TXNDC16: variants seen among roughly 807,000 people sequenced by gnomAD.
TXNDC16 encodes thioredoxin domain containing 16, also known as thioredoxin domain-containing protein 16.
A neutral mutation model predicts 85.6 loss-of-function variants in TXNDC16; 74 were observed. That is an observed-to-expected ratio of 0.86 (90% CI 0.72 to 1.05). The LOEUF (loss-of-function observed/expected upper bound fraction) is 1.05. TXNDC16 is among the 50% of genes least tolerant of loss of function. The pLI is 0.00. For missense variants in TXNDC16, 959 were observed against 947.0 expected, an observed-to-expected ratio of 1.01 and a Z score of -0.17; for synonymous variants, 335 against 326.5, an observed-to-expected ratio of 1.03 and a Z score of -0.28.
intron 18 of TXNDC16, among the ~76,000 whole-genome samples, chr14:52,441,295 T>G (rs1594679980): frequency 6.6e-6 from 1 of 152,168 alleles, no homozygotes; most frequent in South Asian, 2.1e-4. Flanking sequence ...TCTAATCCTT[T>G]TATCATTTTT....
At chr14:52,433,564 G>T (rs958813631) in intron 20 of TXNDC16, among the ~76,000 whole-genome samples, 1 of 152,086 alleles carries the variant, frequency 6.6e-6, no homozygotes, top group Admixed American at 6.5e-5. Flanking sequence ...TAAGAGCTTA[G>T]AAAAAACATA....
At chr14:52,456,613 A>C (rs2035539437) in intron 17 of TXNDC16, among the ~76,000 whole-genome samples, 1 of 152,212 alleles carries the variant, frequency 6.6e-6, no homozygotes, top group Non-Finnish European at 1.5e-5. Flanking sequence ...TTTGCAGTTC[A>C]GTCCTTCATT....
chr14:52,497,618 G>A (rs1196626251), intron 9 of TXNDC16, among the ~76,000 whole-genome samples: 4 of 152,180 alleles, frequency 2.6e-5, no homozygotes, highest in Admixed American at 2.6e-4. Flanking sequence ...AGTGGCTCAA[G>A]CCTATAATCC....
rs2035143811 is a variant in TXNDC16, at chr14:52,440,657, C to G, written c.1910G>C (p.Ser637Thr). 1 of 1,610,560 alleles carries G rather than the reference C, an allele frequency of 6.2e-7. No homozygotes were observed. Among genetic ancestry groups the G allele is most frequent in the African/African-American group, 1.3e-5 (1 of 74,722 alleles). Residue 637 changes from serine to threonine, a missense_variant, in exon 19 of 21, where the codon AGT becomes ACT. By Grantham distance (58) the Ser-to-Thr change is moderately conservative (BLOSUM62 1). Coordinates refer to ENST00000281741, the MANE Select transcript of TXNDC16 (RefSeq NM_020784.3). ...RLQKPLLILF[S>T]DGTVNPQYKK... ...ATACTGAGGATTTACAGTGCCATCA[C>G]TGAACAAAATCAATAATGGTTTCTG...
chr14:52,445,346 G>T lies in TXNDC16; in HGVS notation c.1843-4622C>A, dbSNP rs139882824. Among the ~76,000 whole-genome samples, 41 of 152,180 alleles carry T rather than the reference G, an allele frequency of 2.7e-4. 1 individual carries two copies. The East Asian group carries it at 7.7e-3, about 29-fold the overall frequency. On this transcript the variant is annotated intron_variant, in intron 18 of 20. Transcript: ENST00000281741. Reference sequence around the variant, plus strand: ...ATAATTTTAACAGGAGGAAAGGACAGAACCAAGACACAAAAAGACTTAATA... The same window carrying T: ...ATAATTTTAACAGGAGGAAAGGACATAACCAAGACACAAAAAGACTTAATA...
intron 6 of TXNDC16, among the ~76,000 whole-genome samples, chr14:52,530,592 T>TAAATAATAATATATAATTATTATATATA (rs1260658319): frequency 2.7e-5 from 1 of 37,276 alleles, no homozygotes; most frequent in Non-Finnish European, 4.5e-5. Context: ...TTATATATAA[T>TAAATAATAATATATAATTATTATATATA]ATATATAATA....
chr14:52,486,539 G>T (rs2036276550), intron 12 of TXNDC16, among the ~76,000 whole-genome samples: 1 of 151,982 alleles, frequency 6.6e-6, no homozygotes, highest in Non-Finnish European at 1.5e-5. Flanking sequence ...CCCTTCTGTG[G>T]AATCTAGTCT....
intron 9 of TXNDC16, among the ~76,000 whole-genome samples, chr14:52,499,118 C>T (rs948626582): frequency 6.6e-6 from 1 of 152,060 alleles, no homozygotes; most frequent in Admixed American, 6.6e-5. Context: ...TGGATATCCA[C>T]ATGCAAAAGA....
chr14:52,511,422 G>A (rs756650737), intron 8 of TXNDC16, 32 bp from the exon 9 acceptor site: 9 of 1,445,170 alleles, frequency 6.2e-6, no homozygotes, highest in Non-Finnish European at 7.6e-6. Context: ...ACTTAATGAA[G>A]TTCAATATGT....
chr14:52,445,524 T>C (rs892162850), intron 18 of TXNDC16, among the ~76,000 whole-genome samples: 7 of 152,208 alleles, frequency 4.6e-5, no homozygotes, highest in African/African-American at 1.7e-4. Context: ...TCTAGCTATG[T>C]TTAATATGAA....
intron 18 of TXNDC16, among the ~76,000 whole-genome samples, chr14:52,450,856 TA>T (rs1566533852): frequency 0.11 from 118 of 1,028 alleles, no homozygotes; most frequent in Admixed American, 0.17. Context: ...ATGTGTTTTA[TA>T]TATATATATA....
At chr14:52,510,046 A>C (rs533357066) in intron 9 of TXNDC16, among the ~76,000 whole-genome samples, 2 of 152,096 alleles carry the variant, frequency 1.3e-5, no homozygotes, top group Non-Finnish European at 2.9e-5. Flanking sequence ...GCAAGCTCTG[A>C]ATCTATTTAA....
chr14:52,486,672 T>C (rs938369787), intron 12 of TXNDC16, among the ~76,000 whole-genome samples: 2 of 152,060 alleles, frequency 1.3e-5, no homozygotes, highest in Non-Finnish European at 1.5e-5. Flanking sequence ...ACGGGAGTGA[T>C]ACAGAGGGAG....
At chr14:52,456,313 C>T (rs76832943) in intron 17 of TXNDC16, among the ~76,000 whole-genome samples, 2,036 of 152,278 alleles carry the variant, frequency 0.013, 45 homozygotes, top group African/African-American at 0.046. Flanking sequence ...CGCACAATGA[C>T]AGCAGAGTAG....
At chr14:52,527,937 A>T (rs1183467074) in intron 6 of TXNDC16, among the ~76,000 whole-genome samples, 1 of 152,134 alleles carries the variant, frequency 6.6e-6, no homozygotes, top group East Asian at 1.9e-4. Flanking sequence ...ATTTTAATAG[A>T]TTGACAAGTC....
chr14:52,477,865 C>T (rs1263331838), intron 14 of TXNDC16, among the ~76,000 whole-genome samples: 1 of 152,092 alleles, frequency 6.6e-6, no homozygotes, highest in Non-Finnish European at 1.5e-5. Context: ...CCAACAACCA[C>T]AGAATATACA....
At position 52,511,367 on chromosome 14, in the gene TXNDC16, T is replaced by C. The variant is rs760710202; in HGVS notation, c.629A>G (p.His210Arg). 7.9e-5 allele frequency: 126 copies of C among 1,598,800 alleles called. No individual in the cohort carries two copies. The highest frequency in any genetic ancestry group is 1.1e-4 in the Non-Finnish European group (126 of 1,170,596). The change falls in exon 9 of 21, where the codon CAT (histidine) becomes CGT (arginine). Residue 210 changes from histidine to arginine, a missense_variant. Coordinates refer to ENST00000281741, the MANE Select transcript of TXNDC16 (RefSeq NM_020784.3). Reference protein sequence around the residue: ...SIGSEDVEYAHLYFFHCKLVL... With the variant: ...SIGSEDVEYARLYFFHCKLVL... ...TAGTTTACAATGAAAAAAGTAGAGATGTGCATATTCCACATCCTCAGAGCT... is the reference window on the plus strand; with the variant it reads ...TAGTTTACAATGAAAAAAGTAGAGACGTGCATATTCCACATCCTCAGAGCT...
chr14:52,474,899 T>A, intron 14 of TXNDC16, among the ~76,000 whole-genome samples: 1 of 151,958 alleles, frequency 6.6e-6, no homozygotes, highest in Non-Finnish European at 1.5e-5. Flanking sequence ...ACTGCAGCAA[T>A]ACATTAGGAA....
In TXNDC16 at chr14:52,543,486, T is replaced by G; in HGVS notation, c.72A>C (p.Thr24=). Reference sequence around the variant, plus strand: ...GACTCAGTTCTGGTAAAGAGTTTACTGTTGGCATGTAAAAAATGCACATTA... The same window carrying G: ...GACTCAGTTCTGGTAAAGAGTTTACGGTTGGCATGTAAAAAATGCACATTA... ...FVIMCIFYMP[T]VNSLPELSPQ... is the part of the protein sequence containing the mutation. The change falls in exon 3 of 21, where the codon ACA becomes ACC. Residue 24 remains threonine (T), a synonymous_variant. Coordinates refer to ENST00000281741, the MANE Select transcript of TXNDC16 (RefSeq NM_020784.3). 6.2e-7 allele frequency: 1 copy of G among 1,613,820 alleles called. No homozygotes were observed. The highest frequency in any genetic ancestry group is 8.5e-7 in the Non-Finnish European group (1 of 1,179,790).
Sources: gnomAD v4.1 joint callset for allele counts (sites outside exome capture counted in the v4.1 genomes callset) on GRCh38, gnomAD v4.1.1 for gene constraint, MANE v1.5 for transcripts, NCBI Gene and HGNC (gene_info 2026-07-23, HGNC 2026-07-21) for gene names.